The following SPATA22 variants were observed in gnomAD, a reference collection of about 807,000 sequenced individuals.
SPATA22 encodes the protein spermatogenesis associated 22.
SPATA22 carries 29 observed loss-of-function variants against 47.8 expected under a neutral mutation model. That is an observed-to-expected ratio of 0.61 (90% confidence interval 0.45 to 0.83). The LOEUF (loss-of-function observed/expected upper bound fraction) is 0.83, where lower values mean the gene tolerates loss of function less well. SPATA22 is among the 40% of genes least tolerant of loss of function. The pLI is 0.00. For synonymous variants in SPATA22, 133 were observed against 140.9 expected (o/e 0.94, Z 0.40); for missense variants, 410 against 421.7 (o/e 0.97, Z 0.24).
intron 1 of SPATA22, among the ~76,000 whole-genome samples, chr17:3,504,747 C>T (rs560239429): frequency 2.6e-4 from 40 of 151,904 alleles, no homozygotes; most frequent in Non-Finnish European, 4.1e-4. Context: ...TTAGTAGAGA[C>T]GGGGTTTCTC....
intron 1 of SPATA22, among the ~76,000 whole-genome samples, chr17:3,492,405 A>G (rs1251827723): frequency 6.6e-6 from 1 of 152,226 alleles, no homozygotes; most frequent in Non-Finnish European, 1.5e-5. Flanking sequence ...TTTTTGGTTT[A>G]AAGAAATGAG....
At chr17:3,506,297 G>C (rs1412068158) in intron 1 of SPATA22, among the ~76,000 whole-genome samples, 3 of 152,102 alleles carry the variant, frequency 2.0e-5, no homozygotes, top group Non-Finnish European at 4.4e-5. Context: ...AAACTCCAGG[G>C]AGGTACCTGC....
chr17:3,496,576 G>A (rs756078422), intron 1 of SPATA22, among the ~76,000 whole-genome samples: 4 of 152,102 alleles, frequency 2.6e-5, no homozygotes, highest in Non-Finnish European at 5.9e-5. Context: ...AGCAGAGGAC[G>A]GTAGAGCCTG....
At chr17:3,465,263 C>T (rs1405671895) in intron 3 of SPATA22, among the ~76,000 whole-genome samples, 2 of 149,700 alleles carry the variant, frequency 1.3e-5, no homozygotes, top group African/African-American at 2.4e-5. Context: ...CGGCCACCAC[C>T]CCGTCTGGGA....
chr17:3,506,064 C>T (rs905843202), intron 1 of SPATA22, among the ~76,000 whole-genome samples: 3 of 152,128 alleles, frequency 2.0e-5, no homozygotes, highest in African/African-American at 7.2e-5. Flanking sequence ...GGCTGCTTTT[C>T]TAATATCTCT....
upstream of SPATA22, among the ~76,000 whole-genome samples, chr17:3,475,179 T>C (rs2073502829): frequency 1.3e-5 from 2 of 152,192 alleles, no homozygotes; most frequent in South Asian, 4.1e-4. Context: ...TCAAATCAGA[T>C]TTGGCTCAGA....
At chr17:3,506,689 C>T (rs868207382) in intron 1 of SPATA22, among the ~76,000 whole-genome samples, 1 of 152,192 alleles carries the variant, frequency 6.6e-6, no homozygotes, top group Admixed American at 6.5e-5. Context: ...CCTGTAATCC[C>T]AGCACGTCGG....
At chr17:3,449,302 C>G (rs1296427167) in intron 5 of SPATA22, among the ~76,000 whole-genome samples, 153 bp from the exon 6 acceptor site, 1 of 152,070 alleles carries the variant, frequency 6.6e-6, no homozygotes, top group Non-Finnish European at 1.5e-5. Context: ...CACAACAACC[C>G]TACAATGTTG....
intron 1 of SPATA22, among the ~76,000 whole-genome samples, chr17:3,486,960 T>C (rs921449344): frequency 5.3e-5 from 8 of 152,128 alleles, no homozygotes; most frequent in African/African-American, 1.9e-4. Flanking sequence ...ATTACACAAA[T>C]AACTTTCCTA....
In SPATA22 at chr17:3,467,540, G is replaced by C. The variant is rs79098439; in HGVS notation, c.58C>G (p.Pro20Ala). 316 of 1,604,630 alleles carry C rather than the reference G, an allele frequency of 2.0e-4. 2 individuals carry two copies. The African/African-American group carries it at 3.8e-3, about 19-fold the overall frequency. The change falls in exon 3 of 9, where the codon CCG (proline) becomes GCG (alanine). Residue 20 changes from proline to alanine, a missense_variant. Pro to Ala is a conservative substitution (Grantham distance 27). Transcript: ENST00000572969. Reference sequence around the variant, plus strand: ...TTCCTCTTTTTCTGATTGAACAACGGAACAGGCAAACAGCCTAAATTGAAT... The same window carrying C: ...TTCCTCTTTTTCTGATTGAACAACGCAACAGGCAAACAGCCTAAATTGAAT... Reference protein sequence around the residue: ...ARSTAGCLPVPLFNQKKRNRQ... With the variant: ...ARSTAGCLPVALFNQKKRNRQ...
At chr17:3,498,867 T>C in intron 1 of SPATA22, 2 of 1,500,840 alleles carry the variant, frequency 1.3e-6, no homozygotes, top group East Asian at 4.8e-5. Flanking sequence ...ATATAATATA[T>C]TTATTTTGAT....
intron 5 of SPATA22, among the ~76,000 whole-genome samples, chr17:3,461,160 T>A (rs73977730): frequency 0.013 from 1,924 of 152,328 alleles, 35 homozygotes; most frequent in African/African-American, 0.043. Context: ...GGTATAAGTA[T>A]GTCCCAAATA....
intron 1 of SPATA22, among the ~76,000 whole-genome samples, chr17:3,492,130 G>A (rs570569801): frequency 2.0e-5 from 3 of 152,150 alleles, no homozygotes; most frequent in Non-Finnish European, 4.4e-5. Context: ...GCCTGCCTCG[G>A]CTTCCCAAAG....
chr17:3,450,015 G>A (rs1311963456), intron 5 of SPATA22, among the ~76,000 whole-genome samples: 1 of 152,042 alleles, frequency 6.6e-6, no homozygotes. Flanking sequence ...ACTATGCCCA[G>A]CTAATTTTTG....
chr17:3,468,975 G>A (rs1260071069), intron 2 of SPATA22: 4 of 385,098 alleles, frequency 1.0e-5, no homozygotes, highest in Non-Finnish European at 1.5e-5. Flanking sequence ...TTTTTAACAA[G>A]TAAGTCACAA....
At chr17:3,451,948 A>G (rs1192297562) in intron 5 of SPATA22, among the ~76,000 whole-genome samples, 1 of 150,650 alleles carries the variant, frequency 6.6e-6, no homozygotes, top group Non-Finnish European at 1.5e-5. Context: ...CTCTGTCTCA[A>G]TTAAAAAAAA....
upstream of SPATA22, among the ~76,000 whole-genome samples, chr17:3,475,209 G>A (rs2073503238): frequency 1.3e-5 from 2 of 152,294 alleles, no homozygotes; most frequent in South Asian, 4.1e-4. Flanking sequence ...CCAAAGGGAT[G>A]TAATCATCTT....
chr17:3,467,837 C>T (rs1567604235), intron 2 of SPATA22, among the ~76,000 whole-genome samples: 1 of 152,120 alleles, frequency 6.6e-6, no homozygotes, highest in African/African-American at 2.4e-5. Flanking sequence ...CTTTCCAAAT[C>T]CACTTTTTGT....
intron 1 of SPATA22, chr17:3,501,339 G>A (rs1278065032): frequency 6.6e-6 from 1 of 152,120 alleles, no homozygotes; most frequent in African/African-American, 2.4e-5. Flanking sequence ...ACATTAACAG[G>A]AGTTTGGAAA....
Sources: allele counts gnomAD v4.1 joint callset (sites outside exome capture counted in the v4.1 genomes callset), GRCh38; gene constraint gnomAD v4.1.1; transcripts MANE v1.5; gene names NCBI Gene and HGNC (gene_info 2026-07-23, HGNC 2026-07-21).